The following PRKDC variants were observed in gnomAD, a reference collection of about 807,000 sequenced individuals.
PRKDC encodes DNA-dependent protein kinase catalytic subunit.
In PRKDC, 82 loss-of-function variants were observed where a neutral mutation model predicts 486.9. The ratio of observed to expected loss-of-function variants is 0.17; its 90% CI spans 0.14 to 0.20. The LOEUF is 0.20. PRKDC is among the 10% of genes least tolerant of loss of function. The pLI is 1.00. For missense variants in PRKDC, 4,504 were observed against 5,038.2 expected (o/e 0.89, Z 3.21); for synonymous variants, 1,895 against 1,837.0 (o/e 1.03, Z -0.81).
chr8:47,902,402 T>C (rs539833009), intron 27 of PRKDC, among the ~76,000 whole-genome samples, 167 bp downstream of exon 27: 2 of 152,120 alleles, frequency 1.3e-5, no homozygotes, highest in Non-Finnish European at 2.9e-5. Flanking sequence ...GCTTCTGGAG[T>C]GCAAACTGAA....
chr8:47,928,103 C>T (rs572532753), intron 19 of PRKDC, among the ~76,000 whole-genome samples: 1 of 151,436 alleles, frequency 6.6e-6, no homozygotes, highest in East Asian at 1.9e-4. Flanking sequence ...GAATCTATTT[C>T]ATCTTGAGTT....
chr8:47,854,212 A>G lies in PRKDC; in HGVS notation c.6764T>C (p.Leu2255Ser), dbSNP rs777752348. 15 of 1,612,610 alleles carry G rather than the reference A, an allele frequency of 9.3e-6. No individual in the cohort carries two copies. In the East Asian group the frequency reaches 3.1e-4, roughly 34 times the overall value. Reference protein sequence around the residue: ...WKDCLSIPYRLIFEKFSGKDP... With the variant: ...WKDCLSIPYRSIFEKFSGKDP... ...TTTACCGGAAAACTTTTCAAATATT[A>G]ACCTGAAACATAAGCACAAAGGAGA... The change falls in exon 51 of 86, where the codon TTA becomes TCA. Residue 2255 changes from leucine to serine, a missense_variant and splice_region_variant. By Grantham distance (145) the Leu-to-Ser change is moderately radical. This residue lies in a region of PRKDC where 1,592 missense variants were observed against 1,724.6 expected (regional missense o/e 0.92). Transcript: ENST00000314191.
intron 35 of PRKDC, among the ~76,000 whole-genome samples, chr8:47,886,769 C>G (rs935382818): frequency 3.9e-5 from 6 of 152,230 alleles, no homozygotes; most frequent in Non-Finnish European, 8.8e-5. Flanking sequence ...CTCACTACAG[C>G]CTTGACTTCC....
At chr8:47,911,790 G>A (rs920701908) in intron 25 of PRKDC, among the ~76,000 whole-genome samples, 1 of 150,572 alleles carries the variant, frequency 6.6e-6, no homozygotes, top group Non-Finnish European at 1.5e-5. Context: ...TTTTTTTTGA[G>A]AATGAGTCTC....
rs567466258 is a variant in PRKDC, at chr8:47,955,957, TA to T, written c.325-10del. The T allele has an allele frequency of 4.1e-3, 5,751 of 1,404,148 alleles. No individual in the cohort carries two copies. Among genetic ancestry groups the T allele is most frequent in the South Asian group, 6.1e-3 (437 of 71,450 alleles). 87.0% of individuals were successfully genotyped at this position (1,404,148 alleles called of 1,614,324 possible). Reference sequence around the variant, plus strand: ...ACACTGGTACAAGTGTTCTAGGTTTTAAAAAAAAAATAACCAAAATCATCAA... The same window carrying T: ...ACACTGGTACAAGTGTTCTAGGTTTTAAAAAAAAATAACCAAAATCATCAA... On this transcript the variant is annotated splice_polypyrimidine_tract_variant and intron_variant, in intron 3 of 85. Transcript: ENST00000314191.
intron 72 of PRKDC, among the ~76,000 whole-genome samples, 193 bp from the exon 73 acceptor site, chr8:47,798,590 G>GA (rs1371656003): frequency 6.6e-6 from 1 of 152,110 alleles, no homozygotes. Flanking sequence ...CCTTCCATTA[G>GA]AGTGCCCATT....
Position 47,927,849 on chromosome 8 carries a change from G to C in PRKDC, c.2181C>G (p.Ala727=). ...KMKQYKDELL[A]SCLTFLLSLP... ...AGGACAGAAGAAAGGTCAAACAAGA[G>C]GCCAAAAGTTCATCTTTGTACTGCT... The change falls in exon 20 of 86, where the codon GCC becomes GCG. Residue 727 remains alanine, a synonymous_variant. Coordinates refer to ENST00000314191, the MANE Select transcript of PRKDC (RefSeq NM_006904.7). 2 of 1,596,048 alleles carry C rather than the reference G, an allele frequency of 1.3e-6. No individual in the cohort carries two copies. The highest frequency in any genetic ancestry group is 1.1e-5 in the South Asian group (1 of 87,286).
At chr8:47,824,577 T>C (rs1473729107) in intron 63 of PRKDC, among the ~76,000 whole-genome samples, 1 of 150,518 alleles carries the variant, frequency 6.6e-6, no homozygotes, top group Non-Finnish European at 1.5e-5. Flanking sequence ...CATTATAATA[T>C]CTACAGGCGA....
chr8:47,872,588 GA>G (rs2088979939), intron 40 of PRKDC, among the ~76,000 whole-genome samples: 1 of 150,806 alleles, frequency 6.6e-6, no homozygotes, highest in African/African-American at 2.4e-5. Flanking sequence ...ATAAAGGGAT[GA>G]AAAAAGATAT....
chr8:47,914,554 C>T (rs538808593), intron 23 of PRKDC, among the ~76,000 whole-genome samples: 1 of 152,294 alleles, frequency 6.6e-6, no homozygotes, highest in South Asian at 2.1e-4. Flanking sequence ...GATCCCAGCA[C>T]TTTGGGAGGC....
intron 24 of PRKDC, 111 bp downstream of exon 24, chr8:47,913,790 T>C: frequency 3.6e-6 from 4 of 1,112,370 alleles, no homozygotes; most frequent in South Asian, 2.6e-5. Context: ...TTACAGAAAA[T>C]ACAAAATTAC....
At chr8:47,888,305 T>C (rs1432192209) in intron 34 of PRKDC, among the ~76,000 whole-genome samples, 3 of 152,212 alleles carry the variant, frequency 2.0e-5, no homozygotes, top group African/African-American at 4.8e-5. Flanking sequence ...ACTTTCATTT[T>C]ATATTTATAA....
chr8:47,834,772 G>C (rs944668369), intron 58 of PRKDC, among the ~76,000 whole-genome samples: 33 of 144,986 alleles, frequency 2.3e-4, no homozygotes, highest in African/African-American at 8.1e-4. Context: ...CTCACTGCAA[G>C]CTCCGCCTCC....
At chr8:47,930,935 C>G (rs1413537571) in intron 16 of PRKDC, 148 bp from the exon 17 acceptor site, 1 of 722,554 alleles carries the variant, frequency 1.4e-6, no homozygotes, top group Non-Finnish European at 2.2e-6. Flanking sequence ...TGCTCAAGAC[C>G]TATGGTCTGA....
chr8:47,890,552 T>C, intron 31 of PRKDC, 72 bp from the exon 32 acceptor site: 3 of 1,223,918 alleles, frequency 2.5e-6, no homozygotes, highest in Non-Finnish European at 3.4e-6. Flanking sequence ...TAAAATTGCT[T>C]CTGTAAGTAT....
rs2154501770 is a variant in PRKDC, at chr8:47,888,581, A to G, written c.4350T>C (p.Ala1450=). ...GAAGCTGTTTACAGGCAGACACAAC[A>G]GCAGCCAGCCTGCTCCTGTCCACTT... ...DAQVDRSRLA[A]VVSACKQLHR... The change falls in exon 34 of 86, where the codon GCT becomes GCC. Residue 1450 remains alanine (A), a synonymous_variant. Transcript: ENST00000314191. The G allele has an allele frequency of 6.3e-7, 1 of 1,589,204 alleles. No individual in the cohort carries two copies. The highest frequency in any genetic ancestry group is 8.6e-7 in the Non-Finnish European group (1 of 1,167,170).
chr8:47,902,683 C>G lies in PRKDC; in HGVS notation c.3155G>C (p.Ser1052Thr). 1 of 1,613,896 alleles carries G rather than the reference C, an allele frequency of 6.2e-7. No homozygotes were observed. Among genetic ancestry groups the G allele is most frequent in the Non-Finnish European group, 8.5e-7 (1 of 1,179,832 alleles). Residue 1052 changes from serine (S) to threonine (T), a missense_variant, in exon 27 of 86, where the codon AGT becomes ACT. Physicochemically the swap from Ser to Thr is moderately conservative, Grantham distance 58. Around this residue, in one of 6 missense-constraint regions of PRKDC, gnomAD observed 1,969 missense variants for 2,068.9 expected, o/e 0.95. Coordinates refer to ENST00000314191, the MANE Select transcript of PRKDC (RefSeq NM_006904.7). Reference sequence around the variant, plus strand: ...GAAAAGCGATTTGGTGTTTACTGGACTCTTCTCCTGCTGCTGTGGTGTTAT... The same window carrying G: ...GAAAAGCGATTTGGTGTTTACTGGAGTCTTCTCCTGCTGCTGTGGTGTTAT... ...KQITPQQQEK[S>T]PVNTKSLFKR...
intron 25 of PRKDC, among the ~76,000 whole-genome samples, chr8:47,911,279 C>T (rs2089898126): frequency 5.3e-5 from 8 of 152,226 alleles, no homozygotes; most frequent in Admixed American, 5.2e-4. Flanking sequence ...TGACCACTCC[C>T]AGAAACAGGC....
Position 47,886,126 on chromosome 8 carries a change from G to A in PRKDC, c.4594C>T (p.Leu1532Phe), listed in dbSNP as rs56387546. Residue 1532 changes from leucine to phenylalanine, a missense_variant, in exon 36 of 86, where the codon CTC (leucine) becomes TTC (phenylalanine). Physicochemically the swap from Leu to Phe is conservative, Grantham distance 22. Around this residue, in one of 6 missense-constraint regions of PRKDC, gnomAD observed 1,969 missense variants for 2,068.9 expected, o/e 0.95. Coordinates refer to ENST00000314191, the MANE Select transcript of PRKDC (RefSeq NM_006904.7). ...GTGGACAGCACCGCTGGGTTCAGGA[G>A]AAGACTCACAAGGCGCTCACACTGG... ...GGLCERLVSL[L>F]LNPAVLSTAS... 4.1e-4 allele frequency: 660 copies of A among 1,609,424 alleles called. 1 individual carries two copies. The African/African-American group carries it at 7.1e-3, about 17-fold the overall frequency.
Sources: gnomAD v4.1 joint callset for allele counts (sites outside exome capture counted in the v4.1 genomes callset) on GRCh38, gnomAD v4.1.1 for gene constraint, gnomAD v4.1.1 regional missense constraint, MANE v1.5 for transcripts, NCBI Gene and HGNC (gene_info 2026-07-23, HGNC 2026-07-21) for gene names.